The following KCNN2 variants were observed in gnomAD, a reference collection of about 807,000 sequenced individuals.
KCNN2 encodes small conductance calcium-activated potassium channel protein 2.
A neutral mutation model predicts 55.5 loss-of-function variants in KCNN2; 24 were observed. That is an observed-to-expected ratio of 0.43 (90% CI 0.31 to 0.61). KCNN2 has a LOEUF of 0.61. KCNN2 is among the 20% of genes least tolerant of loss of function. KCNN2 has a pLI of 0.08. For missense variants in KCNN2, 754 were observed against 853.6 expected (o/e 0.88, Z 1.45); for synonymous variants, 431 against 336.1 (o/e 1.28, Z -3.09).
upstream of KCNN2, among the ~76,000 whole-genome samples, chr5:114,357,160 A>AT (rs1491278903): frequency 6.6e-6 from 1 of 152,178 alleles, no homozygotes; most frequent in Non-Finnish European, 1.5e-5. Context: ...AAAAACACCC[A>AT]AAGTCAAGAG....
intron 1 of KCNN2, among the ~76,000 whole-genome samples, chr5:114,084,213 A>G (rs1750964078): frequency 6.6e-6 from 1 of 152,100 alleles, no homozygotes; most frequent in South Asian, 2.1e-4. Flanking sequence ...TGATTACTGT[A>G]TGGTATAGCA....
At chr5:114,407,767 AG>A (rs1758983343) in intron 3 of KCNN2, among the ~76,000 whole-genome samples, 1 of 152,238 alleles carries the variant, frequency 6.6e-6, no homozygotes, top group Admixed American at 6.5e-5. Context: ...ATTGAAACAC[AG>A]GGCAAAGAAG....
intron 3 of KCNN2, among the ~76,000 whole-genome samples, chr5:114,449,239 C>T (rs549588946): frequency 6.6e-5 from 10 of 152,208 alleles, no homozygotes; most frequent in Admixed American, 6.5e-4. Context: ...TCTCCTTCTC[C>T]AGCCCTCTTT....
chr5:114,137,525 G>A (rs1752198448), intron 1 of KCNN2, among the ~76,000 whole-genome samples: 2 of 151,988 alleles, frequency 1.3e-5, no homozygotes, highest in Admixed American at 6.6e-5. Flanking sequence ...GCCAAAAAGG[G>A]CCTAAAAGTA....
chr5:114,078,945 TG>T (rs1294676150), intron 1 of KCNN2, among the ~76,000 whole-genome samples: 1 of 152,200 alleles, frequency 6.6e-6, no homozygotes, highest in East Asian at 1.9e-4. Context: ...TCATTTTTTT[TG>T]TATGTGTCTA....
chr5:114,201,443 A>G (rs1272945183), intron 1 of KCNN2, among the ~76,000 whole-genome samples: 1 of 152,084 alleles, frequency 6.6e-6, no homozygotes, highest in East Asian at 1.9e-4. Context: ...GGTGAGGCCC[A>G]TCTCAGGTGC....
rs35039387 is a variant in KCNN2, at chr5:114,416,190, A to G, written c.1637+11334A>G. The stretch of plus-strand genomic sequence containing the variant: ...CTGCGAAAAATGAAGCCCAGAGAAT[A>G]TCCGTCATTTTTTCACTTAGGATTA... On this transcript the variant is annotated intron_variant, in intron 3 of 7. Coordinates refer to ENST00000673685, the MANE Select transcript of KCNN2 (RefSeq NM_021614.4). Among the ~76,000 whole-genome samples, 762 of 152,164 alleles carry G rather than the reference A, an allele frequency of 5.0e-3. 3 individuals are homozygous for G. Among genetic ancestry groups the G allele is most frequent in the Middle Eastern group, 0.017 (5 of 294 alleles).
At chr5:114,425,052 A>G (rs1306006728) in intron 3 of KCNN2, among the ~76,000 whole-genome samples, 1 of 152,222 alleles carries the variant, frequency 6.6e-6, no homozygotes, top group Non-Finnish European at 1.5e-5. Flanking sequence ...TTCACATCAA[A>G]TGGCCCTTGG....
At chr5:114,099,980 C>G in intron 1 of KCNN2, among the ~76,000 whole-genome samples, 1 of 151,910 alleles carries the variant, frequency 6.6e-6, no homozygotes, top group Admixed American at 6.6e-5. Context: ...CAATGTATTT[C>G]TTCACAAATT....
chr5:114,251,272 G>A (rs1051348244), intron 2 of KCNN2, among the ~76,000 whole-genome samples: 7 of 152,170 alleles, frequency 4.6e-5, no homozygotes, highest in African/African-American at 1.7e-4. Context: ...ATTTACTTTT[G>A]TAATCCTGAT....
intron 2 of KCNN2, among the ~76,000 whole-genome samples, chr5:114,224,598 C>CT (rs1561529929): frequency 5.9e-5 from 9 of 152,152 alleles, no homozygotes; most frequent in Non-Finnish European, 1.2e-4. Flanking sequence ...AAAACAGAAT[C>CT]CCGCTGGAGG....
intron 3 of KCNN2, among the ~76,000 whole-genome samples, chr5:114,430,036 C>T (rs914657289): frequency 6.6e-6 from 1 of 151,946 alleles, no homozygotes; most frequent in African/African-American, 2.4e-5. Context: ...GCACATTATA[C>T]TAAGTCTCGA....
intron 2 of KCNN2, among the ~76,000 whole-genome samples, chr5:114,364,587 A>C (rs1398165017): frequency 6.6e-6 from 1 of 151,952 alleles, no homozygotes; most frequent in Non-Finnish European, 1.5e-5. Flanking sequence ...AATGTAATTT[A>C]AGAGTTAAGG....
intron 3 of KCNN2, among the ~76,000 whole-genome samples, chr5:114,457,907 T>C (rs1399897406): frequency 6.6e-6 from 1 of 152,246 alleles, no homozygotes; most frequent in Non-Finnish European, 1.5e-5. Flanking sequence ...AATGTCTTGA[T>C]AACCATTGTA....
At chr5:114,220,555 A>G (rs1371090614) in intron 1 of KCNN2, among the ~76,000 whole-genome samples, 1 of 152,136 alleles carries the variant, frequency 6.6e-6, no homozygotes, top group Non-Finnish European at 1.5e-5. Context: ...TTTTAAAAAA[A>G]GAGAAAGGAA....
At chr5:114,135,413 A>C (rs1752154563) in intron 1 of KCNN2, among the ~76,000 whole-genome samples, 1 of 152,208 alleles carries the variant, frequency 6.6e-6, no homozygotes, top group Non-Finnish European at 1.5e-5. Context: ...AGGATTATTT[A>C]GTGAAAGTTT....
chr5:114,102,676 C>G (rs1751396680), intron 1 of KCNN2, among the ~76,000 whole-genome samples: 2 of 152,286 alleles, frequency 1.3e-5, no homozygotes, highest in South Asian at 4.1e-4. Context: ...TTTCCCAACA[C>G]CACTTATTAA....
intron 1 of KCNN2, among the ~76,000 whole-genome samples, chr5:114,102,284 G>GTT (rs961878283): frequency 6.8e-6 from 1 of 147,020 alleles, no homozygotes; most frequent in African/African-American, 2.5e-5. Flanking sequence ...GGAGTTGTTT[G>GTT]TTTTTTTTTT....
At chr5:114,401,215 A>T (rs1456755095) in intron 2 of KCNN2, among the ~76,000 whole-genome samples, 1 of 152,184 alleles carries the variant, frequency 6.6e-6, no homozygotes, top group Non-Finnish European at 1.5e-5. Context: ...GATAAAAAAA[A>T]ATTTCAGGTA....
Sources: allele counts gnomAD v4.1 joint callset (sites outside exome capture counted in the v4.1 genomes callset), GRCh38; gene constraint gnomAD v4.1.1; transcripts MANE v1.5; gene names NCBI Gene and HGNC (gene_info 2026-07-23, HGNC 2026-07-21).